The following LRP1B variants were observed in gnomAD, a reference collection of about 807,000 sequenced individuals.
LRP1B encodes the protein LDL receptor related protein 1B.
A neutral mutation model predicts 556.6 loss-of-function variants in LRP1B; 217 were observed. The ratio of observed to expected loss-of-function variants is 0.39; its 90% CI spans 0.35 to 0.44. The LOEUF (loss-of-function observed/expected upper bound fraction) is 0.44, where lower values mean the gene tolerates loss of function less well. LRP1B is among the 20% of genes least tolerant of loss of function. LRP1B has a pLI of 1.00. For synonymous variants in LRP1B, 2,047 were observed against 1,865.8 expected, an observed-to-expected ratio of 1.10 and a Z score of -2.50; for missense variants, 5,053 against 5,620.8, an observed-to-expected ratio of 0.90 and a Z score of 3.23.
At chr2:141,956,111 A>C (rs1033434591) in intron 1 of LRP1B, among the ~76,000 whole-genome samples, 50 of 152,116 alleles carry the variant, frequency 3.3e-4, no homozygotes, top group African/African-American at 1.1e-3. Flanking sequence ...GGATACTAAG[A>C]CAGGCATATG....
At chr2:141,846,076 G>A (rs566372130) in intron 1 of LRP1B, among the ~76,000 whole-genome samples, 3 of 151,052 alleles carry the variant, frequency 2.0e-5, no homozygotes, top group East Asian at 3.9e-4. Context: ...AGACAATAAC[G>A]GTAAAAGTTA....
Position 141,669,753 on chromosome 2 carries a change from C to T in LRP1B, c.205+140526G>A, listed in dbSNP as rs369779706. 0.027 allele frequency among the ~76,000 whole-genome samples: 87 copies of T among 3,236 alleles called. No homozygotes were observed. In the South Asian group the frequency reaches 0.28, roughly 10 times the overall value. 2.1% of individuals were successfully genotyped at this position (3,236 alleles called of 152,430 possible). On this transcript the variant is annotated intron_variant, in intron 2 of 90. Coordinates refer to ENST00000389484, the MANE Select transcript of LRP1B (RefSeq NM_018557.3). ...GTCATGTTTTCATTGCCTTTTTTGG[C>T]GGGGGCGGGTGGGTGGGGGCATACA...
chr2:141,299,790 T>C (rs1686316752), intron 3 of LRP1B, among the ~76,000 whole-genome samples: 1 of 152,208 alleles, frequency 6.6e-6, no homozygotes, highest in Non-Finnish European at 1.5e-5. Context: ...GAATAATACT[T>C]ATATCAAGTG....
intron 66 of LRP1B, among the ~76,000 whole-genome samples, chr2:140,438,681 T>C (rs1487955146): frequency 6.6e-6 from 1 of 152,212 alleles, no homozygotes. Flanking sequence ...GTTAGTGTGA[T>C]TATAGCTAAC....
Position 140,598,801 on chromosome 2 carries a change from G to A in LRP1B, c.7024C>T (p.Pro2342Ser), listed in dbSNP as rs2105189563. ...GTCAGAGTAGATCTCATGATACTTGGATGTTGTTCATTCCAGTTGGTCCAA... is the reference window on the plus strand; with the variant it reads ...GTCAGAGTAGATCTCATGATACTTGAATGTTGTTCATTCCAGTTGGTCCAA... Reference protein sequence around the residue: ...MFWTNWNEQHPSIMRSTLTGK... With the variant: ...MFWTNWNEQHSSIMRSTLTGK... The change falls in exon 43 of 91, where the codon CCA becomes TCA. Residue 2342 changes from proline (P) to serine (S), a missense_variant. Physicochemically the swap from Pro to Ser is moderately conservative, Grantham distance 74. Around this residue, in one of 5 missense-constraint regions of LRP1B, gnomAD observed 3,619 missense variants for 3,931.9 expected, o/e 0.92. Coordinates refer to ENST00000389484, the MANE Select transcript of LRP1B (RefSeq NM_018557.3). The A allele has an allele frequency of 6.2e-7, 1 of 1,610,812 alleles. No individual in the cohort carries two copies. Among genetic ancestry groups the A allele is most frequent in the Non-Finnish European group, 8.5e-7 (1 of 1,177,254 alleles).
At chr2:140,901,926 G>A (rs1694116369) in intron 23 of LRP1B, among the ~76,000 whole-genome samples, 3 of 152,154 alleles carry the variant, frequency 2.0e-5, no homozygotes, top group African/African-American at 7.2e-5. Flanking sequence ...ATCCAGCAGT[G>A]GGTCTAATGG....
chr2:141,749,866 C>T (rs1484410247), intron 2 of LRP1B, among the ~76,000 whole-genome samples: 1 of 152,004 alleles, frequency 6.6e-6, no homozygotes, highest in Non-Finnish European at 1.5e-5. Context: ...GATAATAATG[C>T]CTGGATGCTT....
chr2:140,518,594 T>G (rs932507178), intron 49 of LRP1B, among the ~76,000 whole-genome samples: 1 of 152,154 alleles, frequency 6.6e-6, no homozygotes, highest in Non-Finnish European at 1.5e-5. Context: ...TTAAGAATCT[T>G]GGCACCAGTT....
chr2:140,985,181 A>C (rs1696882682), intron 17 of LRP1B, among the ~76,000 whole-genome samples: 1 of 152,026 alleles, frequency 6.6e-6, no homozygotes, highest in Non-Finnish European at 1.5e-5. Context: ...GAATTCTCAC[A>C]AGGCACACCA....
At chr2:140,291,804 T>C (rs1019242741) in intron 84 of LRP1B, among the ~76,000 whole-genome samples, 5 of 152,176 alleles carry the variant, frequency 3.3e-5, no homozygotes, top group African/African-American at 4.8e-5. Flanking sequence ...GCATGATTTA[T>C]AGTCCTTTGG....
chr2:140,406,515 T>C (rs937056574), intron 66 of LRP1B, among the ~76,000 whole-genome samples: 3 of 152,210 alleles, frequency 2.0e-5, no homozygotes, highest in African/African-American at 7.2e-5. Flanking sequence ...ACAAAGTCAA[T>C]GTACAGAAGT....
At chr2:141,390,227 T>A (rs976238762) in intron 3 of LRP1B, among the ~76,000 whole-genome samples, 2 of 151,522 alleles carry the variant, frequency 1.3e-5, no homozygotes, top group Non-Finnish European at 2.9e-5. Context: ...AAAATGCAAA[T>A]CAAAACTACA....
In LRP1B at chr2:141,403,842, C is replaced by T. The variant is rs528278350; in HGVS notation, c.343+76554G>A. Among the ~76,000 whole-genome samples, 4 of 152,244 alleles carry T rather than the reference C, an allele frequency of 2.6e-5. No individual in the cohort carries two copies. In the East Asian group the frequency reaches 5.8e-4, roughly 22 times the overall value. The stretch of plus-strand genomic sequence containing the variant: ...TATCTCACATGTATGTATAGACAGA[C>T]TTCAAGGCAGAGGCCAGTCGCTCCC... On this transcript the variant is annotated intron_variant, in intron 3 of 90. Coordinates refer to ENST00000389484, the MANE Select transcript of LRP1B (RefSeq NM_018557.3).
chr2:141,783,489 T>C (rs1332961742), intron 2 of LRP1B, among the ~76,000 whole-genome samples: 1 of 152,084 alleles, frequency 6.6e-6, no homozygotes, highest in Non-Finnish European at 1.5e-5. Flanking sequence ...AAGTTTCACA[T>C]GCTGAATCTC....
intron 3 of LRP1B, among the ~76,000 whole-genome samples, chr2:141,257,283 T>C (rs1441138770): frequency 6.6e-6 from 1 of 152,122 alleles, no homozygotes; most frequent in Non-Finnish European, 1.5e-5. Context: ...AGTTATACTA[T>C]GAAAAGAATG....
intron 2 of LRP1B, among the ~76,000 whole-genome samples, chr2:141,636,628 C>G (rs1363571381): frequency 2.0e-5 from 3 of 151,964 alleles, no homozygotes; most frequent in Non-Finnish European, 4.4e-5. Context: ...CATATGCTGA[C>G]AAGGATGCTC....
Position 141,440,433 on chromosome 2 carries a change from C to A in LRP1B, c.343+39963G>T, listed in dbSNP as rs560082079. ...CTGCGGACCGCAGAGGAGCCATTTC[C>A]ACTGCTGGGGCCAGAGGGCGGCTCC... On this transcript the variant is annotated intron_variant, in intron 3 of 90. Coordinates refer to ENST00000389484, the MANE Select transcript of LRP1B (RefSeq NM_018557.3). 2.0e-5 allele frequency among the ~76,000 whole-genome samples: 3 copies of A among 152,366 alleles called. No individual in the cohort carries two copies. The South Asian group carries it at 6.2e-4, about 32-fold the overall frequency.
chr2:140,324,712 A>G (rs1680366312), intron 80 of LRP1B, among the ~76,000 whole-genome samples: 1 of 151,990 alleles, frequency 6.6e-6, no homozygotes, highest in South Asian at 2.1e-4. Flanking sequence ...TGAAATTTAT[A>G]ACAAAACGAC....
chr2:141,806,399 T>C (rs530779802), intron 2 of LRP1B, among the ~76,000 whole-genome samples: 1 of 152,194 alleles, frequency 6.6e-6, no homozygotes, highest in South Asian at 2.1e-4. Context: ...TGTTAGTCTT[T>C]ATTTAGACAC....
Sources: allele counts gnomAD v4.1 joint callset (sites outside exome capture counted in the v4.1 genomes callset), GRCh38; gene constraint gnomAD v4.1.1; regional missense constraint gnomAD v4.1.1; transcripts MANE v1.5; gene names NCBI Gene and HGNC (gene_info 2026-07-23, HGNC 2026-07-21).